RARA: variants seen among roughly 807,000 people sequenced by gnomAD.
RARA encodes the protein retinoic acid receptor alpha.
Under a neutral mutation model 42.8 loss-of-function variants are expected in RARA, and 5 were observed. The ratio of observed to expected loss-of-function variants is 0.12; its 90% CI spans 0.06 to 0.25. The LOEUF is 0.25. RARA is among the 10% of genes least tolerant of loss of function. RARA has a pLI of 1.00. For missense variants in RARA, 402 were observed against 628.7 expected (o/e 0.64, Z 3.86); for synonymous variants, 256 against 259.5 (o/e 0.99, Z 0.13).
In RARA at chr17:40,348,907, G is replaced by A. The variant is rs1159590624; in HGVS notation, c.327+443G>A. On this transcript the variant is annotated intron_variant, in intron 3 of 8. Transcript: ENST00000254066. ...TTCCCCTTCAGGTGCCCGGGCTGTGGGCTCCCCAGTGTCTGGCTGGATTTC... is the reference window on the plus strand; with the variant it reads ...TTCCCCTTCAGGTGCCCGGGCTGTGAGCTCCCCAGTGTCTGGCTGGATTTC... 3 of 158,686 alleles carry A rather than the reference G, an allele frequency of 1.9e-5. No individual in the cohort carries two copies. The Admixed American group carries it at 1.9e-4, about 10-fold the overall frequency. The allele number at this position is 158,686 out of a possible 1,614,324, so 9.8% of individuals were successfully genotyped here. A position where few individuals can be genotyped will look rare whatever the true frequency, so the allele number is the denominator to read the frequency against.
At position 40,339,273 on chromosome 17, in the gene RARA, G is replaced by T. The variant is rs2033951141; in HGVS notation, c.178+7877G>T. On this transcript the variant is annotated intron_variant, in intron 2 of 8. Coordinates refer to ENST00000254066, the MANE Select transcript of RARA (RefSeq NM_000964.4). ...CCTGTTTGTTGTCCCCTCCAGATGG[G>T]GTTGGGGACAGGAGGGGGCCCTGCC... Among the ~76,000 whole-genome samples, 6 of 152,302 alleles carry T rather than the reference G, an allele frequency of 3.9e-5. No individual in the cohort carries two copies. In the South Asian group the frequency reaches 1.2e-3, roughly 32 times the overall value.
intron 2 of RARA, 113 bp from the exon 3 acceptor site, chr17:40,348,203 A>C: frequency 7.6e-7 from 1 of 1,310,438 alleles, no homozygotes; most frequent in Non-Finnish European, 1.0e-6. Context: ...GAATCCTGCC[A>C]GCAGTGGTGA....
At chr17:40,342,437 G>C (rs1226934004) in intron 2 of RARA, 3 of 1,192,986 alleles carry the variant, frequency 2.5e-6, no homozygotes, top group African/African-American at 1.6e-5. Context: ...CTGAGTTCCC[G>C]GGCCCCGCCA....
intron 1 of RARA, among the ~76,000 whole-genome samples, chr17:40,317,045 C>G (rs1397556184): frequency 6.6e-6 from 1 of 152,262 alleles, no homozygotes; most frequent in African/African-American, 2.4e-5. Context: ...CAATTCTAGA[C>G]CCGGCTCTGC....
rs758015735 is a variant in RARA, at chr17:40,356,319, C to A, written c.*93C>A. The A allele has an allele frequency of 7.4e-6, 10 of 1,351,178 alleles. No individual in the cohort carries two copies. Among genetic ancestry groups the A allele is most frequent in the South Asian group, 3.7e-5 (3 of 80,374 alleles). 83.7% of individuals were successfully genotyped at this position (1,351,178 alleles called of 1,614,324 possible). On this transcript the variant is annotated 3_prime_UTR_variant, in exon 9 of 9. Transcript: ENST00000254066. ...TGTGACCCCGCACCAGCCCTGCCCC[C>A]ACCTGCCCTCCCGGGCAGTACTGGG...
chr17:40,335,221 G>A (rs371222253), intron 2 of RARA, among the ~76,000 whole-genome samples: 1 of 152,112 alleles, frequency 6.6e-6, no homozygotes, highest in Non-Finnish European at 1.5e-5. Flanking sequence ...GGGCTGGGAG[G>A]GGGAGTGACT....
At position 40,353,487 on chromosome 17, in the gene RARA, T is replaced by C. The variant is rs991084009; in HGVS notation, c.808-815T>C. ...TTTTTGAGATGGAGTTTCACTCTTG[T>C]CACCCAGGCTGGAGTGCAGTAGTAT... On this transcript the variant is annotated intron_variant, in intron 6 of 8. Transcript: ENST00000254066. Among the ~76,000 whole-genome samples the C allele has an allele frequency of 2.0e-5, 3 of 152,210 alleles. No individual in the cohort carries two copies. In the South Asian group the frequency reaches 6.2e-4, roughly 32 times the overall value.
intron 2 of RARA, among the ~76,000 whole-genome samples, chr17:40,336,554 A>T (rs1346825181): frequency 6.6e-6 from 1 of 150,544 alleles, no homozygotes; most frequent in Non-Finnish European, 1.5e-5. Context: ...ATGCCCGGCT[A>T]ATTTTTTGTA....
At chr17:40,331,475 C>A (rs1224489427) in intron 2 of RARA, 79 bp downstream of exon 2, 2 of 1,460,560 alleles carry the variant, frequency 1.4e-6, no homozygotes, top group Non-Finnish European at 1.8e-6. Flanking sequence ...CTGGGCACGT[C>A]TGTTCTGCTG....
chr17:40,327,711 T>C (rs2033584274), intron 1 of RARA, among the ~76,000 whole-genome samples: 1 of 152,212 alleles, frequency 6.6e-6, no homozygotes, highest in African/African-American at 2.4e-5. Context: ...GGCGTGCTCT[T>C]GCCCACCCAG....
At position 40,352,920 on chromosome 17, in the gene RARA, A is replaced by C. The variant is rs895903226; in HGVS notation, c.807+413A>C. On this transcript the variant is annotated intron_variant, in intron 6 of 8. Coordinates refer to ENST00000254066, the MANE Select transcript of RARA (RefSeq NM_000964.4). The surrounding 1 kb of genome is among the most constrained non-coding windows in gnomAD (Gnocchi z 4.9). ...ATAGTGAGACCTTATTTCTGCAAAA[A>C]ACTAAAAAGATTCACCTAGGATCCT... Among the ~76,000 whole-genome samples the C allele has an allele frequency of 1.3e-5, 2 of 152,130 alleles. No homozygotes were observed. The highest frequency in any genetic ancestry group is 2.4e-5 in the African/African-American group (1 of 41,420).
intron 2 of RARA, among the ~76,000 whole-genome samples, chr17:40,332,287 A>T (rs35286757): frequency 2.6e-5 from 4 of 151,848 alleles, no homozygotes; most frequent in African/African-American, 7.2e-5. Context: ...GGGACGGGAG[A>T]GGGTGGAAGC....
intron 2 of RARA, chr17:40,341,523 G>C: frequency 6.8e-7 from 1 of 1,478,678 alleles, no homozygotes; most frequent in Non-Finnish European, 9.0e-7. Context: ...CGCTCTCCGC[G>C]TCTCCGGGGG....
chr17:40,338,199 C>G (rs1228787331), intron 2 of RARA, among the ~76,000 whole-genome samples: 1 of 152,226 alleles, frequency 6.6e-6, no homozygotes, highest in East Asian at 1.9e-4. Flanking sequence ...GCTTATGGGG[C>G]TGTACCAGTG....
Position 40,355,990 on chromosome 17 carries a change from G to GC in RARA, c.1172-14dup. The stretch of plus-strand genomic sequence containing the variant: ...GGGCTGGCCCAGCGTGCTGACCTCT[G>GC]CCCCCTCCTTTCCTGCAGGGGCTGA... On this transcript the variant is annotated intron_variant, in intron 8 of 8. Coordinates refer to ENST00000254066, the MANE Select transcript of RARA (RefSeq NM_000964.4). The surrounding 1 kb of genome is among the most constrained non-coding windows in gnomAD (Gnocchi z 4.1). 1.3e-6 allele frequency: 2 copies of GC among 1,583,172 alleles called. No homozygotes were observed. The highest frequency in any genetic ancestry group is 1.7e-6 in the Non-Finnish European group (2 of 1,165,716).
rs1373820590 is a variant in RARA, at chr17:40,354,061, A to G, written c.808-241A>G. Among the ~76,000 whole-genome samples the G allele has an allele frequency of 6.6e-6, 1 of 152,174 alleles. No individual in the cohort carries two copies. The highest frequency in any genetic ancestry group is 1.9e-4 in the East Asian group (1 of 5,204). On this transcript the variant is annotated intron_variant, in intron 6 of 8. Coordinates refer to ENST00000254066, the MANE Select transcript of RARA (RefSeq NM_000964.4). This position sits in a 1 kb window ranked among gnomAD's most constrained non-coding sequence, Gnocchi z 4.5. ...TTTAAATTAATTAAAATTAAACTCA[A>G]TTCAGTTCCTCAGTTGCATTAGCCA...
At chr17:40,327,835 A>C (rs1259637688) in intron 1 of RARA, among the ~76,000 whole-genome samples, 1 of 152,180 alleles carries the variant, frequency 6.6e-6, no homozygotes, top group African/African-American at 2.4e-5. Flanking sequence ...TGGCTCCCCC[A>C]GCTCCAGTTC....
rs764058559 is a variant in RARA, at chr17:40,351,895, C to T, written c.470-15C>T. 91 of 1,607,936 alleles carry T rather than the reference C, an allele frequency of 5.7e-5. No homozygotes were observed. The highest frequency in any genetic ancestry group is 5.3e-5 in the Non-Finnish European group (63 of 1,178,416). On this transcript the variant is annotated splice_polypyrimidine_tract_variant and intron_variant, in intron 4 of 8. Coordinates refer to ENST00000254066, the MANE Select transcript of RARA (RefSeq NM_000964.4). This position sits in a 1 kb window ranked among gnomAD's most constrained non-coding sequence, Gnocchi z 4.1. ...AGCCTGCAGCTGCCCTCTTAACCCCCTCTGCCCTCCACAGCTGTGAGAAAC... is the reference window on the plus strand; with the variant it reads ...AGCCTGCAGCTGCCCTCTTAACCCCTTCTGCCCTCCACAGCTGTGAGAAAC...
intron 2 of RARA, among the ~76,000 whole-genome samples, chr17:40,334,439 G>A (rs1392913735): frequency 6.6e-6 from 1 of 152,210 alleles, no homozygotes; most frequent in African/African-American, 2.4e-5. Context: ...GGGACAAGGT[G>A]TGGCCATGGG....
Sources: allele counts gnomAD v4.1 joint callset (sites outside exome capture counted in the v4.1 genomes callset), GRCh38; gene constraint gnomAD v4.1.1; non-coding constraint Gnocchi (gnomAD v3.1); transcripts MANE v1.5; gene names NCBI Gene and HGNC (gene_info 2026-07-23, HGNC 2026-07-21).